GAREM1: variants seen among roughly 807,000 people sequenced by gnomAD.
GAREM1 encodes GRB2 associated regulator of MAPK1 subtype 1.
Under a neutral mutation model 71.3 loss-of-function variants are expected in GAREM1, and 26 were observed. The observed-to-expected ratio is 0.36, with a 90% confidence interval of 0.27 to 0.51. The LOEUF (loss-of-function observed/expected upper bound fraction) is 0.51. GAREM1 is among the 20% of genes least tolerant of loss of function. The pLI is 0.95. For missense variants in GAREM1, 1,026 were observed against 1,103.1 expected, an observed-to-expected ratio of 0.93 and a Z score of 0.99; for synonymous variants, 440 against 433.2, an observed-to-expected ratio of 1.02 and a Z score of -0.20.
rs2041405225 is a variant in GAREM1, at chr18:32,268,308, G to A, written c.2194C>T (p.Leu732=). The A allele has an allele frequency of 6.2e-7, 1 of 1,614,114 alleles. No homozygotes were observed. Among genetic ancestry groups the A allele is most frequent in the Non-Finnish European group, 8.5e-7 (1 of 1,180,020 alleles). ...CPALPPRAPK[L]VEEKVASETS... is the part of the protein sequence containing the mutation. ...TCGGAGGCGACCTTCTCTTCCACTA[G>A]TTTTGGAGCCCTGGGGGGTAAGGCA... is the stretch of plus-strand genomic sequence containing the variant. The change falls in exon 6 of 6, where the codon CTA becomes TTA. Residue 732 remains leucine (L), a synonymous_variant. Coordinates refer to ENST00000269209, the MANE Select transcript of GAREM1 (RefSeq NM_001242409.2).
At chr18:32,362,062 A>G (rs2047870562) in intron 2 of GAREM1, among the ~76,000 whole-genome samples, 1 of 152,192 alleles carries the variant, frequency 6.6e-6, no homozygotes, top group Admixed American at 6.5e-5. Flanking sequence ...GCCTGGCAAG[A>G]AGGATGGGAA....
At chr18:32,374,941 C>T (rs1407723529) in intron 2 of GAREM1, among the ~76,000 whole-genome samples, 1 of 152,122 alleles carries the variant, frequency 6.6e-6, no homozygotes, top group East Asian at 1.9e-4. Flanking sequence ...AAGGCCCTTT[C>T]AACAGGCTTA....
intron 2 of GAREM1, among the ~76,000 whole-genome samples, chr18:32,338,690 ACCTCACATGGAGGCC>A (rs2047620438): frequency 6.6e-6 from 1 of 152,154 alleles, no homozygotes; most frequent in Non-Finnish European, 1.5e-5. Flanking sequence ...TAAAGCCTGA[ACCTCACATGGAGGCC>A]ATCTTTTCTA....
intron 2 of GAREM1, among the ~76,000 whole-genome samples, chr18:32,364,034 T>TATATGG (rs1431647541): frequency 2.4e-5 from 1 of 42,236 alleles, no homozygotes; most frequent in Non-Finnish European, 5.6e-5. Context: ...ATATGTTTTT[T>TATATGG]TTTTTTTTTT....
intron 1 of GAREM1, among the ~76,000 whole-genome samples, chr18:32,469,226 C>T (rs2049027015): frequency 6.6e-6 from 1 of 151,968 alleles, no homozygotes; most frequent in Non-Finnish European, 1.5e-5. Context: ...CTCACGTTAC[C>T]CACTCTTCTA....
At chr18:32,465,231 T>C (rs1346974301) in intron 1 of GAREM1, among the ~76,000 whole-genome samples, 1 of 152,076 alleles carries the variant, frequency 6.6e-6, no homozygotes, top group Non-Finnish European at 1.5e-5. Context: ...CAAAACTAAG[T>C]TACTTTGGGA....
intron 2 of GAREM1, among the ~76,000 whole-genome samples, chr18:32,324,784 A>G (rs2047460053): frequency 6.6e-6 from 1 of 152,262 alleles, no homozygotes; most frequent in African/African-American, 2.4e-5. Flanking sequence ...CAATCAAGCC[A>G]TGAAAAGACA....
At position 32,438,289 on chromosome 18, in the gene GAREM1, C is replaced by A. The variant is rs371276764; in HGVS notation, c.121+32019G>T. 5.9e-5 allele frequency among the ~76,000 whole-genome samples: 9 copies of A among 152,354 alleles called. No homozygotes were observed. The East Asian group carries it at 9.6e-4, about 16-fold the overall frequency. On this transcript the variant is annotated intron_variant, in intron 1 of 5. Transcript: ENST00000269209. ...AAAGCTAGACTCCCATGCCAGCCAC[C>A]AGCCCTGTGAATTGATGGCTTCCAT...
chr18:32,373,327 G>A (rs1009407282), intron 2 of GAREM1, among the ~76,000 whole-genome samples: 2 of 152,114 alleles, frequency 1.3e-5, no homozygotes, highest in Non-Finnish European at 2.9e-5. Flanking sequence ...TCCCATTTGG[G>A]AGGAGGGATT....
At chr18:32,286,370 A>T (rs919472205) in intron 4 of GAREM1, among the ~76,000 whole-genome samples, 2 of 149,602 alleles carry the variant, frequency 1.3e-5, no homozygotes, top group Non-Finnish European at 3.0e-5. Flanking sequence ...ATAATACATT[A>T]GCACATCCGC....
chr18:32,378,057 T>TGTGC lies in GAREM1; in HGVS notation c.262+14837_262+14838insGCAC, dbSNP rs1293817110. Among the ~76,000 whole-genome samples, 781 of 127,580 alleles carry TGTGC rather than the reference T, an allele frequency of 6.1e-3. 3 individuals are homozygous for TGTGC. The highest frequency in any genetic ancestry group is 0.014 in the African/African-American group (466 of 33,214). The allele number at this position is 127,580 out of a possible 152,430, so 83.7% of individuals were successfully genotyped here. ...GTGTGTGTGTGTGTGTGTGTGTGTG[T>TGTGC]GCGCGCGGGCGCTTTGGAGGAGGGC... is the stretch of plus-strand genomic sequence containing the variant. On this transcript the variant is annotated intron_variant, in intron 2 of 5. Coordinates refer to ENST00000269209, the MANE Select transcript of GAREM1 (RefSeq NM_001242409.2).
intron 2 of GAREM1, among the ~76,000 whole-genome samples, chr18:32,328,899 C>T (rs1045320324): frequency 2.0e-5 from 3 of 151,906 alleles, no homozygotes; most frequent in Non-Finnish European, 4.4e-5. Context: ...AAGCCTAAAA[C>T]GGAAAAGAGA....
At chr18:32,405,848 C>T (rs1193806577) in intron 1 of GAREM1, among the ~76,000 whole-genome samples, 1 of 152,222 alleles carries the variant, frequency 6.6e-6, no homozygotes, top group Non-Finnish European at 1.5e-5. Flanking sequence ...AATCACCTAC[C>T]TATGCCTGGA....
chr18:32,446,731 G>C (rs533556604), intron 1 of GAREM1, among the ~76,000 whole-genome samples: 8 of 152,264 alleles, frequency 5.3e-5, no homozygotes, highest in African/African-American at 1.9e-4. Context: ...AATATGTCTT[G>C]TATGAGGCTT....
At chr18:32,315,491 A>T (rs2047369366) in intron 2 of GAREM1, among the ~76,000 whole-genome samples, 1 of 147,472 alleles carries the variant, frequency 6.8e-6, no homozygotes, top group Non-Finnish European at 1.5e-5. Context: ...GATATATATA[A>T]AATATATAAA....
chr18:32,296,948 G>A (rs146510310), intron 3 of GAREM1, among the ~76,000 whole-genome samples: 118 of 152,184 alleles, frequency 7.8e-4, no homozygotes, highest in Non-Finnish European at 1.1e-3. Context: ...CCAGCATCTA[G>A]TTAAACTTAC....
At chr18:32,384,689 C>G (rs1181002567) in intron 2 of GAREM1, among the ~76,000 whole-genome samples, 1 of 152,124 alleles carries the variant, frequency 6.6e-6, no homozygotes, top group Non-Finnish European at 1.5e-5. Context: ...TTACAAATAA[C>G]AAACTCACAA....
At chr18:32,355,806 A>G (rs981303975) in intron 2 of GAREM1, among the ~76,000 whole-genome samples, 1 of 152,206 alleles carries the variant, frequency 6.6e-6, no homozygotes, top group African/African-American at 2.4e-5. Context: ...AAGCCCACCA[A>G]ACCGAACTAT....
intron 1 of GAREM1, among the ~76,000 whole-genome samples, chr18:32,418,204 A>C (rs1169504000): frequency 6.6e-6 from 1 of 152,188 alleles, no homozygotes; most frequent in Non-Finnish European, 1.5e-5. Context: ...AATCACATAC[A>C]TATAATAGAG....
Sources: allele counts gnomAD v4.1 joint callset (sites outside exome capture counted in the v4.1 genomes callset), GRCh38; gene constraint gnomAD v4.1.1; transcripts MANE v1.5; gene names NCBI Gene and HGNC (gene_info 2026-07-23, HGNC 2026-07-21).